Variants in KIR3DL1 observed in about 807,000 individuals in gnomAD.
KIR3DL1 encodes killer cell immunoglobulin like receptor, three Ig domains and long cytoplasmic tail 1.
Under a neutral mutation model 40.3 loss-of-function variants are expected in KIR3DL1, and 50 were observed. The observed-to-expected ratio is 1.24, with a 90% CI of 0.99 to 1.57. The LOEUF is 1.57. Ranked by LOEUF, KIR3DL1 falls within the 40% of genes most tolerant of loss-of-function variation. The pLI is 0.00. For synonymous variants in KIR3DL1, 257 were observed against 207.2 expected, an observed-to-expected ratio of 1.24 and a Z score of -2.07; for missense variants, 661 against 559.9, an observed-to-expected ratio of 1.18 and a Z score of -1.82.
intron 1 of KIR3DL1, among the ~76,000 whole-genome samples, chr19:54,817,206 G>C (rs1332635286): frequency 6.9e-6 from 1 of 145,092 alleles, no homozygotes; most frequent in Non-Finnish European, 1.5e-5. Context: ...TATGAGCCTG[G>C]AGTTGAGATA....
exon 4 of KIR3DL1, chr19:54,819,793 T>C: frequency 6.2e-7 from 1 of 1,611,616 alleles, no homozygotes; most frequent in Non-Finnish European, 8.5e-7. Context: ...GCAATGTTGG[T>C]CAGATATCAT....
At chr19:54,822,898 T>C (rs2061707878) in intron 5 of KIR3DL1, among the ~76,000 whole-genome samples, 1 of 145,344 alleles carries the variant, frequency 6.9e-6, no homozygotes, top group Non-Finnish European at 1.5e-5. Context: ...GGCAGGTAGG[T>C]TGACTCCACA....
chr19:54,819,912 G>C, exon 4 of KIR3DL1: 1 of 1,612,254 alleles, frequency 6.2e-7, no homozygotes, highest in Non-Finnish European at 8.5e-7. Context: ...TCGGTCCCAT[G>C]ATGCTTGCCC....
intron 6 of KIR3DL1, among the ~76,000 whole-genome samples, 174 bp downstream of exon 6, chr19:54,825,252 C>T (rs1340714322): frequency 2.7e-5 from 4 of 150,098 alleles, no homozygotes; most frequent in Admixed American, 2.0e-4. Flanking sequence ...AAGGGCTCAG[C>T]GAAGTCTCTT....
Position 54,829,225 on chromosome 19 carries a change from G to A in KIR3DL1, c.1001-136G>A, listed in dbSNP as rs576060299. On this transcript the variant is annotated intron_variant, in intron 6 of 8. Transcript: ENST00000391728. ...GCTATAACTGAGAAAGCAGGAGGAA[G>A]CTAGATCTCCCGCCATCTGGGTGCT... The A allele has an allele frequency of 3.6e-4, 259 of 722,404 alleles. 17 individuals carry two copies. Among genetic ancestry groups the A allele is most frequent in the Non-Finnish European group, 5.7e-4 (248 of 432,138 alleles). 44.7% of individuals were successfully genotyped at this position (722,404 alleles called of 1,614,324 possible). A position where few individuals can be genotyped will look rare whatever the true frequency, so the allele number is the denominator to read the frequency against.
At chr19:54,825,896 C>T (rs2061862275) in intron 6 of KIR3DL1, among the ~76,000 whole-genome samples, 1 of 151,306 alleles carries the variant, frequency 6.6e-6, no homozygotes, top group East Asian at 1.9e-4. Context: ...TCAGACCCTT[C>T]TTCCTTACCA....
At chr19:54,817,558 G>C (rs1326117600) in exon 2 of KIR3DL1, 1 of 1,512,820 alleles carries the variant, frequency 6.6e-7, no homozygotes, top group Non-Finnish European at 9.0e-7. Flanking sequence ...CAGAGGGCCG[G>C]TCCACACATG....
Position 54,822,485 on chromosome 19 carries a change from G to A in KIR3DL1, c.949+627G>A, listed in dbSNP as rs368202212. 3.5e-4 allele frequency among the ~76,000 whole-genome samples: 52 copies of A among 150,310 alleles called. 2 individuals are homozygous for A. In the East Asian group the frequency reaches 3.5e-3, roughly 10 times the overall value. On this transcript the variant is annotated intron_variant, in intron 5 of 8. Transcript: ENST00000391728. ...ACTAAACAGACAAGAAAAATTAGCCGAGCATGCTGGCATGCACCTGTAGTC... is the reference window on the plus strand; with the variant it reads ...ACTAAACAGACAAGAAAAATTAGCCAAGCATGCTGGCATGCACCTGTAGTC...
At chr19:54,822,876 C>A (rs1200271961) in intron 5 of KIR3DL1, among the ~76,000 whole-genome samples, 1 of 141,368 alleles carries the variant, frequency 7.1e-6, no homozygotes, top group Non-Finnish European at 1.6e-5. Flanking sequence ...TCTATCCATT[C>A]ACCCACTGAT....
chr19:54,821,224 A>AAATAGATAGATCGATAGAT (rs377345227), intron 4 of KIR3DL1, among the ~76,000 whole-genome samples: 25,002 of 146,352 alleles, frequency 0.17, 2,541 homozygotes, highest in South Asian at 0.29. Flanking sequence ...CAAAATAGAT[A>AAATAGATAGATCGATAGAT]AATAGATAGA....
Position 54,824,696 on chromosome 19 carries a change from A to T in KIR3DL1, c.950-332A>T, listed in dbSNP as rs1047759122. ...ATCACACACACACACAAAAAAAGCC[A>T]TTGGATGTAAATGCATGGATTATAT... On this transcript the variant is annotated intron_variant, in intron 5 of 8. Coordinates refer to ENST00000391728, the Ensembl canonical transcript of KIR3DL1. 9.9e-5 allele frequency among the ~76,000 whole-genome samples: 15 copies of T among 150,830 alleles called. 1 individual carries two copies. Among genetic ancestry groups the T allele is most frequent in the Admixed American group, 6.6e-4 (10 of 15,156 alleles).
At chr19:54,820,010 C>G (rs1569441843) in exon 4 of KIR3DL1, 1 of 1,609,412 alleles carries the variant, frequency 6.2e-7, no homozygotes, top group Admixed American at 1.7e-5. Flanking sequence ...ATCGTGGTCA[C>G]AGGTGAGAGT....
rs2273726 is a variant in KIR3DL1 at position 54,817,518 on chromosome 19, T to G, written c.35-16T>G. The G allele has an allele frequency of 0.015, 22,480 of 1,459,406 alleles. 1,794 individuals carry two copies. The highest frequency in any genetic ancestry group is 0.15 in the African/African-American group (8,617 of 58,664). 90.4% of individuals were successfully genotyped at this position (1,459,406 alleles called of 1,614,324 possible). A position where few individuals can be genotyped will look rare whatever the true frequency, so the allele number is the denominator to read the frequency against. On this transcript the variant is annotated splice_polypyrimidine_tract_variant and intron_variant, in intron 1 of 8. Transcript: ENST00000391728. The stretch of plus-strand genomic sequence containing the variant: ...TTGCCTGCAGAGGGATGGTCCATCA[T>G]GATCTTTCTTTCTAGGGTTGTTCTT...
intron 6 of KIR3DL1, among the ~76,000 whole-genome samples, chr19:54,828,649 G>C (rs144823038): frequency 0.17 from 25,360 of 147,200 alleles, 2,059 homozygotes; most frequent in South Asian, 0.28. Context: ...AGCACTGCAT[G>C]ACGTCCTCCT....
Position 54,821,598 on chromosome 19 carries a change from C to T in KIR3DL1, c.689C>T (p.Pro230Leu), listed in dbSNP as rs777497702. The T allele has an allele frequency of 2.1e-5, 33 of 1,608,020 alleles. 1 individual carries two copies. The Admixed American group carries it at 4.7e-4, about 23-fold the overall frequency. ...GAGAAACCTTCTCTCTCAGCCCAGC[C>T]GGGCCCCAAGGTTCAGGCAGGAGAG... is the stretch of plus-strand genomic sequence containing the variant. Residue 230 changes from proline to leucine, a missense_variant, in exon 5 of 9, where the codon CCG (proline) becomes CTG (leucine). Coordinates refer to ENST00000391728, the Ensembl canonical transcript of KIR3DL1.
At chr19:54,819,590 A>G in intron 3 of KIR3DL1, 123 bp from the exon 4 acceptor site, 2 of 1,200,926 alleles carry the variant, frequency 1.7e-6, no homozygotes, top group Non-Finnish European at 2.3e-6. Flanking sequence ...CACAGAAAAG[A>G]CACGGAGATG....
intron 6 of KIR3DL1, among the ~76,000 whole-genome samples, chr19:54,828,234 C>A (rs187160699): frequency 1.3e-5 from 2 of 151,100 alleles, no homozygotes; most frequent in African/African-American, 2.5e-5. Flanking sequence ...ATTGATTTCA[C>A]TTTTGTTTCC....
exon 9 of KIR3DL1, chr19:54,830,558 A>C: frequency 2.2e-6 from 1 of 456,860 alleles, no homozygotes; most frequent in Non-Finnish European, 3.9e-6. Context: ...CTTACTTCCT[A>C]GTCTACTTGA....
chr19:54,816,496 G>A, exon 1 of KIR3DL1: 2 of 1,605,080 alleles, frequency 1.2e-6, no homozygotes, highest in Non-Finnish European at 1.7e-6. Context: ...TGCACCGGCA[G>A]CACCATGTCG....
Sources: gnomAD v4.1 joint callset for allele counts (sites outside exome capture counted in the v4.1 genomes callset) on GRCh38, gnomAD v4.1.1 for gene constraint, MANE v1.5 for transcripts, NCBI Gene and HGNC (gene_info 2026-07-23, HGNC 2026-07-21) for gene names.